Variants in PIP4K2A observed in about 807,000 individuals in gnomAD.
PIP4K2A encodes phosphatidylinositol 5-phosphate 4-kinase type-2 alpha.
PIP4K2A carries 14 observed loss-of-function variants against 42.9 expected under a neutral mutation model. The ratio of observed to expected loss-of-function variants is 0.33; its 90% confidence interval spans 0.22 to 0.51. The LOEUF (loss-of-function observed/expected upper bound fraction) is 0.51. Among genes scored for constraint, PIP4K2A ranks in the 20% least tolerant of loss-of-function variants. The pLI is 0.97. For synonymous variants in PIP4K2A, 192 were observed against 192.2 expected (o/e 1.00, Z 0.01); for missense variants, 434 against 519.8 (o/e 0.83, Z 1.61).
intron 1 of PIP4K2A, among the ~76,000 whole-genome samples, chr10:22,681,801 G>GT (rs200512253): frequency 0.19 from 28,813 of 152,048 alleles, 3,189 homozygotes; most frequent in African/African-American, 0.3. Flanking sequence ...AACTTTCCCT[G>GT]CAAGGGTTAG....
At chr10:22,657,220 G>A (rs1391423854) in intron 1 of PIP4K2A, among the ~76,000 whole-genome samples, 1 of 152,190 alleles carries the variant, frequency 6.6e-6, no homozygotes, top group Admixed American at 6.5e-5. Context: ...CAGACAGCTG[G>A]TGGAGATAAC....
intron 1 of PIP4K2A, among the ~76,000 whole-genome samples, chr10:22,642,847 G>C (rs1013826986): frequency 6.6e-6 from 1 of 152,086 alleles, no homozygotes; most frequent in African/African-American, 2.4e-5. Context: ...GACCTTCCTA[G>C]ATAGTAATTC....
chr10:22,549,977 CTAAA>C (rs1257075435), intron 7 of PIP4K2A, among the ~76,000 whole-genome samples: 1 of 148,390 alleles, frequency 6.7e-6, no homozygotes, highest in Non-Finnish European at 1.5e-5. Context: ...TTATCATAAA[CTAAA>C]TGACAGGAAA....
chr10:22,686,385 G>C (rs1227457632), intron 1 of PIP4K2A, among the ~76,000 whole-genome samples: 1 of 152,144 alleles, frequency 6.6e-6, no homozygotes, highest in Non-Finnish European at 1.5e-5. Flanking sequence ...ACATCAGTAG[G>C]CATCAAAAAG....
Position 22,584,383 on chromosome 10 carries a change from A to T in PIP4K2A, c.492+7246T>A, listed in dbSNP as rs752113190. ...TAGGACTGGATGATATATTTTGAAG[A>T]ATTCACCCAGAATTGGGCAGAGATG... On this transcript the variant is annotated intron_variant, in intron 4 of 9. Coordinates refer to ENST00000376573, the MANE Select transcript of PIP4K2A (RefSeq NM_005028.5). Among the ~76,000 whole-genome samples the T allele has an allele frequency of 1.5e-3, 226 of 152,200 alleles. 3 individuals are homozygous for T. Among genetic ancestry groups the T allele is most frequent in the Non-Finnish European group, 1.6e-3 (107 of 68,036 alleles).
At chr10:22,711,454 T>G (rs995153156) in intron 1 of PIP4K2A, among the ~76,000 whole-genome samples, 5 of 152,242 alleles carry the variant, frequency 3.3e-5, no homozygotes, top group African/African-American at 1.2e-4. Context: ...AAGACAACTT[T>G]TATATAGTAT....
At chr10:22,638,726 C>T (rs1838719783) in intron 1 of PIP4K2A, among the ~76,000 whole-genome samples, 1 of 152,184 alleles carries the variant, frequency 6.6e-6, no homozygotes, top group African/African-American at 2.4e-5. Flanking sequence ...AATTCATTGA[C>T]ATATTTTTGG....
chr10:22,596,205 CAAAAAAAAA>C (rs10681238), intron 3 of PIP4K2A, among the ~76,000 whole-genome samples: 1 of 69,708 alleles, frequency 1.4e-5, no homozygotes, highest in Non-Finnish European at 2.5e-5. Context: ...AACTCCGTCT[CAAAAAAAAA>C]AAAAAAAAAA....
At chr10:22,688,040 T>C (rs1326017083) in intron 1 of PIP4K2A, among the ~76,000 whole-genome samples, 1 of 151,934 alleles carries the variant, frequency 6.6e-6, no homozygotes, top group Non-Finnish European at 1.5e-5. Flanking sequence ...GGGGAAAAAA[T>C]GAAGAGAAAG....
intron 7 of PIP4K2A, among the ~76,000 whole-genome samples, chr10:22,546,667 T>TC (rs1306485264): frequency 6.6e-6 from 1 of 152,080 alleles, no homozygotes; most frequent in Non-Finnish European, 1.5e-5. Context: ...TGCCTCAGCC[T>TC]CCCAAAGTGC....
At chr10:22,585,669 T>C (rs1423393764) in intron 4 of PIP4K2A, among the ~76,000 whole-genome samples, 1 of 151,814 alleles carries the variant, frequency 6.6e-6, no homozygotes, top group Non-Finnish European at 1.5e-5. Context: ...GATGCCATCT[T>C]GGCTCCCTGC....
At chr10:22,645,152 G>A (rs1235260693) in intron 1 of PIP4K2A, among the ~76,000 whole-genome samples, 1 of 152,198 alleles carries the variant, frequency 6.6e-6, no homozygotes, top group African/African-American at 2.4e-5. Context: ...CTAGGTTGAA[G>A]CAACTCATTT....
intron 1 of PIP4K2A, among the ~76,000 whole-genome samples, chr10:22,613,617 A>G (rs556562740): frequency 6.6e-6 from 1 of 152,304 alleles, no homozygotes; most frequent in South Asian, 2.1e-4. Flanking sequence ...AAGAGAACAC[A>G]GAGAGCTTAA....
chr10:22,664,052 TGTATATATAC>T (rs1230514132), intron 1 of PIP4K2A, among the ~76,000 whole-genome samples: 3,925 of 85,926 alleles, frequency 0.046, 333 homozygotes, highest in African/African-American at 0.15. Context: ...TATATACATA[TGTATATATAC>T]ATATATATAT....
intron 1 of PIP4K2A, among the ~76,000 whole-genome samples, chr10:22,651,344 C>A (rs750660102): frequency 6.6e-6 from 1 of 152,196 alleles, no homozygotes; most frequent in African/African-American, 2.4e-5. Context: ...CTTCCAATTG[C>A]TCTTAGGAAA....
At chr10:22,606,811 C>T (rs7099314) in intron 3 of PIP4K2A, among the ~76,000 whole-genome samples, 63,655 of 152,066 alleles carry the variant, frequency 0.42, 15,459 homozygotes, top group African/African-American at 0.68. Flanking sequence ...TCAGTATATG[C>T]TGAGCATCCT....
rs1491438801 is a variant in PIP4K2A, at chr10:22,664,169, A to ACG, written c.144+50013_144+50014insCG. ...TATATATACACATATATATATATACATATATATATATACATATATATACAT... is the reference window on the plus strand; with the variant it reads ...TATATATACACATATATATATATACACGTATATATATATACATATATATACAT... On this transcript the variant is annotated intron_variant, in intron 1 of 9. Coordinates refer to ENST00000376573, the MANE Select transcript of PIP4K2A (RefSeq NM_005028.5). Among the ~76,000 whole-genome samples the ACG allele has an allele frequency of 5.7e-3, 338 of 59,634 alleles. 18 individuals are homozygous for ACG. The highest frequency in any genetic ancestry group is 0.05 in the African/African-American group (313 of 6,252). The allele number at this position is 59,634 out of a possible 152,430, so 39.1% of individuals were successfully genotyped here. A position where few individuals can be genotyped will look rare whatever the true frequency, so the allele number is the denominator to read the frequency against.
intron 3 of PIP4K2A, among the ~76,000 whole-genome samples, chr10:22,597,460 T>C (rs1018554739): frequency 6.6e-6 from 1 of 152,196 alleles, no homozygotes; most frequent in Non-Finnish European, 1.5e-5. Context: ...TGTCGGAGGT[T>C]CTTGTTTTCC....
intron 1 of PIP4K2A, among the ~76,000 whole-genome samples, chr10:22,709,440 A>G (rs2130929237): frequency 6.6e-6 from 1 of 152,268 alleles, no homozygotes; most frequent in Middle Eastern, 3.4e-3. Context: ...TTTTTTGCCA[A>G]ATTGCACCAA....
Sources: allele counts gnomAD v4.1 joint callset (sites outside exome capture counted in the v4.1 genomes callset), GRCh38; gene constraint gnomAD v4.1.1; transcripts MANE v1.5; gene names NCBI Gene and HGNC (gene_info 2026-07-23, HGNC 2026-07-21).